Variants in DPP6 observed in about 807,000 individuals in gnomAD.
The protein encoded by DPP6 is A-type potassium channel modulatory protein DPP6.
Under a neutral mutation model 122.6 loss-of-function variants are expected in DPP6, and 69 were observed. That is an observed-to-expected ratio of 0.56 (90% CI 0.46 to 0.69). The LOEUF (loss-of-function observed/expected upper bound fraction) is 0.69. DPP6 is among the 30% of genes least tolerant of loss of function. DPP6 has a pLI of 0.00. For missense variants in DPP6, 928 were observed against 1,116.9 expected, an observed-to-expected ratio of 0.83 and a Z score of 2.41; for synonymous variants, 418 against 433.1, an observed-to-expected ratio of 0.97 and a Z score of 0.43.
intron 7 of DPP6, among the ~76,000 whole-genome samples, chr7:154,701,889 T>C (rs748991399): frequency 6.6e-6 from 1 of 152,234 alleles, no homozygotes; most frequent in Non-Finnish European, 1.5e-5. Context: ...TGCAGGCACG[T>C]CTCATCTCAT....
chr7:154,074,092 G>T (rs55888016), intron 1 of DPP6, among the ~76,000 whole-genome samples: 1 of 78,922 alleles, frequency 1.3e-5, no homozygotes, highest in Non-Finnish European at 2.6e-5. Context: ...GATATATAGA[G>T]ATCTATATAG....
chr7:154,027,620 G>A lies in DPP6; in HGVS notation c.51+139886G>A, dbSNP rs528032910. Among the ~76,000 whole-genome samples the A allele has an allele frequency of 2.0e-5, 3 of 152,106 alleles. No homozygotes were observed. The East Asian group carries it at 5.8e-4, about 29-fold the overall frequency. On this transcript the variant is annotated intron_variant, in intron 1 of 25. Transcript: ENST00000404039. ...AATTTCAAAGTATGAATTTGGGGAGGGGGCGGCATTAAATAGTCGATGCCA... is the reference window on the plus strand; with the variant it reads ...AATTTCAAAGTATGAATTTGGGGAGAGGGCGGCATTAAATAGTCGATGCCA...
intron 1 of DPP6, among the ~76,000 whole-genome samples, chr7:153,993,230 A>G (rs1012760242): frequency 1.3e-5 from 2 of 152,204 alleles, no homozygotes; most frequent in Non-Finnish European, 2.9e-5. Context: ...AGGGGTTTCA[A>G]GAGTGCTGAT....
chr7:154,740,306 T>A (rs1159263739), intron 8 of DPP6, among the ~76,000 whole-genome samples: 1 of 152,128 alleles, frequency 6.6e-6, no homozygotes, highest in Non-Finnish European at 1.5e-5. Flanking sequence ...TTCTTTTTTT[T>A]TTTTTTCCGT....
chr7:154,272,386 T>C (rs1803853629), intron 1 of DPP6, among the ~76,000 whole-genome samples: 1 of 152,250 alleles, frequency 6.6e-6, no homozygotes, highest in Non-Finnish European at 1.5e-5. Context: ...TCATAGACTT[T>C]ATTAGCATAA....
At chr7:153,927,796 T>C (rs1001630884) in intron 1 of DPP6, among the ~76,000 whole-genome samples, 1 of 152,160 alleles carries the variant, frequency 6.6e-6, no homozygotes, top group Non-Finnish European at 1.5e-5. Flanking sequence ...TGGGGGCTCC[T>C]GGAGGGTGGG....
intron 6 of DPP6, among the ~76,000 whole-genome samples, chr7:154,655,048 C>T (rs1365357462): frequency 6.6e-6 from 1 of 152,148 alleles, no homozygotes; most frequent in Non-Finnish European, 1.5e-5. Flanking sequence ...GTCAGGTTCT[C>T]TTTTAGAACT....
rs866651429 is a variant in DPP6 at position 154,357,424 on chromosome 7, C to T, written c.244-88790C>T. ...CAATTGCATGCAATTTTATTCTAGC[C>T]AAATTGCTGTTAATTGCATCAACGG... On this transcript the variant is annotated intron_variant, in intron 1 of 25. Transcript: ENST00000377770. Among the ~76,000 whole-genome samples, 3 of 152,184 alleles carry T rather than the reference C, an allele frequency of 2.0e-5. 1 individual carries two copies. The highest frequency in any genetic ancestry group is 6.8e-3 in the Middle Eastern group (2 of 292).
At chr7:153,791,424 C>CTTTTTTTTTT in the DPP6 span, among the ~76,000 whole-genome samples, 703 of 91,604 alleles carry the variant, frequency 7.7e-3, 95 homozygotes, top group African/African-American at 0.025. Flanking sequence ...TCCTTCCTTT[C>CTTTTTTTTTT]TTTTTTTTTT....
intron 21 of DPP6, among the ~76,000 whole-genome samples, chr7:154,882,783 C>T (rs746152137): frequency 3.3e-5 from 5 of 152,082 alleles, no homozygotes; most frequent in Non-Finnish European, 7.4e-5. Context: ...CAAGTAAGGA[C>T]GTGTGGAGTT....
rs71683235 is a variant in DPP6, at chr7:154,491,671, CAGG to C, written c.457+16637_457+16639del. Among the ~76,000 whole-genome samples, 1,104 of 152,294 alleles carry C rather than the reference CAGG, an allele frequency of 7.2e-3. 14 individuals are homozygous for C. Among genetic ancestry groups the C allele is most frequent in the African/African-American group, 0.025 (1,036 of 41,552 alleles). ...CCACCTGTCTTACATACTTGAAGAA[CAGG>C]AGAAGATAAATAAGATGGCCCAGCA... On this transcript the variant is annotated intron_variant, in intron 3 of 25. Coordinates refer to ENST00000377770, the MANE Select transcript of DPP6 (RefSeq NM_130797.4).
At chr7:154,138,280 C>A (rs1795679145) in intron 1 of DPP6, among the ~76,000 whole-genome samples, 1 of 152,162 alleles carries the variant, frequency 6.6e-6, no homozygotes, top group South Asian at 2.1e-4. Context: ...GGAACTAGTA[C>A]TATTTATGTA....
the DPP6 span, among the ~76,000 whole-genome samples, chr7:153,815,625 T>C: frequency 9.2e-5 from 14 of 151,680 alleles, no homozygotes; most frequent in East Asian, 2.1e-3. Flanking sequence ...ATCCCAGTGG[T>C]ACTTCAACAG....
At chr7:154,336,339 G>A (rs539386233) in intron 1 of DPP6, among the ~76,000 whole-genome samples, 1 of 152,176 alleles carries the variant, frequency 6.6e-6, no homozygotes, top group African/African-American at 2.4e-5. Context: ...TGCCGGGATG[G>A]TATGTGCTCT....
intron 16 of DPP6, among the ~76,000 whole-genome samples, chr7:154,847,433 T>C (rs1248143506): frequency 6.6e-6 from 1 of 152,212 alleles, no homozygotes. Context: ...AATGACATCG[T>C]AGCTATTTGT....
intron 6 of DPP6, among the ~76,000 whole-genome samples, chr7:154,638,862 G>C (rs142609130): frequency 6.6e-6 from 1 of 151,966 alleles, no homozygotes; most frequent in Non-Finnish European, 1.5e-5. Flanking sequence ...TGGCCTTCCT[G>C]TTCCCCACCT....
rs564313659 is a variant in DPP6, at chr7:154,537,523, C to G, written c.458-3009C>G. On this transcript the variant is annotated intron_variant, in intron 3 of 25. Coordinates refer to ENST00000377770, the MANE Select transcript of DPP6 (RefSeq NM_130797.4). ...CCATAACCCAGGCAAAACCCCGTCT[C>G]TACTAAAAATACAAAAATTAGATCA... Among the ~76,000 whole-genome samples the G allele has an allele frequency of 1.1e-4, 16 of 152,148 alleles. No homozygotes were observed. In the South Asian group the frequency reaches 3.3e-3, roughly 32 times the overall value.
intron 7 of DPP6, among the ~76,000 whole-genome samples, chr7:154,700,007 C>T (rs1840428120): frequency 6.6e-6 from 1 of 152,108 alleles, no homozygotes; most frequent in Admixed American, 6.6e-5. Context: ...TAACATAGCC[C>T]TGAAATGAAA....
chr7:154,669,686 G>A (rs1838431791), intron 7 of DPP6, among the ~76,000 whole-genome samples: 1 of 152,114 alleles, frequency 6.6e-6, no homozygotes, highest in Non-Finnish European at 1.5e-5. Context: ...CATCTGACAT[G>A]GTTAAAGTGG....
Sources: allele counts gnomAD v4.1 joint callset (sites outside exome capture counted in the v4.1 genomes callset), GRCh38; gene constraint gnomAD v4.1.1; transcripts MANE v1.5; gene names NCBI Gene and HGNC (gene_info 2026-07-23, HGNC 2026-07-21).